Variants in PLCL1 observed in about 807,000 individuals in gnomAD.
PLCL1 encodes the protein phospholipase C like 1 (inactive).
In PLCL1, 41 loss-of-function variants were observed where a neutral mutation model predicts 84.4. The observed-to-expected ratio is 0.49, with a 90% CI of 0.38 to 0.63. The LOEUF (loss-of-function observed/expected upper bound fraction) is 0.63. PLCL1 is among the 30% of genes least tolerant of loss of function. PLCL1 has a pLI of 0.00. For missense variants in PLCL1, 1,206 were observed against 1,367.8 expected, an observed-to-expected ratio of 0.88 and a Z score of 1.87; for synonymous variants, 490 against 488.3, an observed-to-expected ratio of 1.00 and a Z score of -0.05.
chr2:197,848,873 G>T (rs1350063480), intron 1 of PLCL1, among the ~76,000 whole-genome samples: 1 of 152,020 alleles, frequency 6.6e-6, no homozygotes, highest in Non-Finnish European at 1.5e-5. Context: ...ACCAGTCCTG[G>T]GGAAGTAAAG....
intron 5 of PLCL1, among the ~76,000 whole-genome samples, chr2:198,137,974 T>A (rs866141549): frequency 6.6e-6 from 1 of 152,034 alleles, no homozygotes; most frequent in African/African-American, 2.4e-5. Context: ...TTGGGAGGAT[T>A]CTCCTGGCAT....
chr2:198,128,461 T>G (rs1357607788), intron 5 of PLCL1, among the ~76,000 whole-genome samples: 1 of 152,160 alleles, frequency 6.6e-6, no homozygotes, highest in Non-Finnish European at 1.5e-5. Flanking sequence ...CAGGGACTGC[T>G]GATTGGCTGG....
intron 1 of PLCL1, among the ~76,000 whole-genome samples, chr2:197,943,206 A>G (rs1574961278): frequency 6.6e-6 from 1 of 151,934 alleles, no homozygotes. Context: ...CAAAAAAAAA[A>G]AAAAAAAAAA....
intron 1 of PLCL1, among the ~76,000 whole-genome samples, chr2:198,079,100 G>A (rs1480609599): frequency 6.6e-6 from 1 of 151,794 alleles, no homozygotes; most frequent in Non-Finnish European, 1.5e-5. Flanking sequence ...GCTTATCAAT[G>A]TGTTTTGAAG....
chr2:197,814,909 G>C (rs780030646), intron 1 of PLCL1, among the ~76,000 whole-genome samples: 3 of 152,174 alleles, frequency 2.0e-5, no homozygotes, highest in Non-Finnish European at 4.4e-5. Flanking sequence ...TAGGGGCGAG[G>C]AAGCTGTGGA....
chr2:198,103,557 G>C (rs915793783), intron 4 of PLCL1, among the ~76,000 whole-genome samples: 3 of 151,878 alleles, frequency 2.0e-5, no homozygotes, highest in African/African-American at 7.3e-5. Context: ...TGTACCCATA[G>C]AATTTACTTT....
At chr2:197,974,230 G>A (rs1178168991) in intron 1 of PLCL1, among the ~76,000 whole-genome samples, 1 of 152,178 alleles carries the variant, frequency 6.6e-6, no homozygotes, top group African/African-American at 2.4e-5. Context: ...AGTTTGGGTG[G>A]CCTAATAGAT....
chr2:198,139,632 C>T (rs1249189852), intron 5 of PLCL1, among the ~76,000 whole-genome samples: 1 of 152,050 alleles, frequency 6.6e-6, no homozygotes, highest in Non-Finnish European at 1.5e-5. Flanking sequence ...GTTATATTAT[C>T]TATGAATTTA....
intron 1 of PLCL1, among the ~76,000 whole-genome samples, chr2:198,056,189 A>G (rs1376185084): frequency 6.6e-6 from 1 of 152,224 alleles, no homozygotes; most frequent in Non-Finnish European, 1.5e-5. Flanking sequence ...TGTTTATCAC[A>G]CTATTAATTA....
chr2:198,093,933 G>A (rs573055937), intron 3 of PLCL1, among the ~76,000 whole-genome samples: 1 of 151,916 alleles, frequency 6.6e-6, no homozygotes, highest in African/African-American at 2.4e-5. Flanking sequence ...CCTAAATTTA[G>A]CTTTCCATAT....
At chr2:198,015,842 G>A (rs78624875) in intron 1 of PLCL1, among the ~76,000 whole-genome samples, 2,560 of 152,176 alleles carry the variant, frequency 0.017, 70 homozygotes, top group African/African-American at 0.058. Context: ...AAAATTTTGA[G>A]TGCTCATTTG....
At chr2:198,039,643 TA>T (rs1342872540) in intron 1 of PLCL1, among the ~76,000 whole-genome samples, 1 of 152,216 alleles carries the variant, frequency 6.6e-6, no homozygotes, top group African/African-American at 2.4e-5. Context: ...GTTAACTGAT[TA>T]TTTTTGTTTC....
chr2:197,872,405 T>C (rs1276398194), intron 1 of PLCL1, among the ~76,000 whole-genome samples: 1 of 152,162 alleles, frequency 6.6e-6, no homozygotes, highest in Admixed American at 6.6e-5. Context: ...GTAATCCGTC[T>C]GTTTTCCCCA....
Position 198,083,841 on chromosome 2 carries a change from A to T in PLCL1, c.324A>T (p.Ala108=), listed in dbSNP as rs1692782029. 6.2e-7 allele frequency: 1 copy of T among 1,613,888 alleles called. No individual in the cohort carries two copies. Among genetic ancestry groups the T allele is most frequent in the Non-Finnish European group, 8.5e-7 (1 of 1,179,852 alleles). Residue 108 remains alanine (A), a synonymous_variant, in exon 2 of 6, where the codon GCA becomes GCT. Coordinates refer to ENST00000428675, the MANE Select transcript of PLCL1 (RefSeq NM_006226.4). ...CATCGGAAAAGAAAATTAGCAGTGC[A>T]AATGACTGCATCAGCTTCATGCAAG... The part of the protein sequence containing the change: ...SMPSEKKISS[A]NDCISFMQAG...
intron 1 of PLCL1, among the ~76,000 whole-genome samples, chr2:197,854,649 C>T (rs552491176): frequency 5.3e-5 from 8 of 152,092 alleles, no homozygotes; most frequent in Non-Finnish European, 1.0e-4. Context: ...AAGGACTCCA[C>T]TTGTGTATCT....
chr2:197,945,209 A>T (rs898409217), intron 1 of PLCL1, among the ~76,000 whole-genome samples: 2 of 152,140 alleles, frequency 1.3e-5, no homozygotes, highest in African/African-American at 4.8e-5. Flanking sequence ...GATGCTTGGG[A>T]ATTACAGCAG....
chr2:197,864,099 A>G (rs1687482465), intron 1 of PLCL1, among the ~76,000 whole-genome samples: 1 of 152,212 alleles, frequency 6.6e-6, no homozygotes, highest in African/African-American at 2.4e-5. Flanking sequence ...ACTAAAATAG[A>G]TCATGCCAGG....
At chr2:197,866,432 T>C (rs1182782206) in intron 1 of PLCL1, among the ~76,000 whole-genome samples, 2 of 151,976 alleles carry the variant, frequency 1.3e-5, no homozygotes, top group Non-Finnish European at 2.9e-5. Flanking sequence ...TAAACAAGAA[T>C]AGGGCTACTT....
rs146746100 is a variant in PLCL1 at position 197,844,239 on chromosome 2, G to T, written c.240+38900G>T. ...AGCACCTAGATCAAGAAATAAAATG[G>T]TGTCAGCACCCCAGAAGGAGCACAC... On this transcript the variant is annotated intron_variant, in intron 1 of 5. Transcript: ENST00000428675. 4.4e-3 allele frequency among the ~76,000 whole-genome samples: 663 copies of T among 152,066 alleles called. 3 individuals are homozygous for T. Among genetic ancestry groups the T allele is most frequent in the Middle Eastern group, 0.01 (3 of 294 alleles).
Sources: allele counts gnomAD v4.1 joint callset (sites outside exome capture counted in the v4.1 genomes callset), GRCh38; gene constraint gnomAD v4.1.1; transcripts MANE v1.5; gene names NCBI Gene and HGNC (gene_info 2026-07-23, HGNC 2026-07-21).